Variants in KANSL1 observed in about 807,000 individuals in gnomAD.
The protein encoded by KANSL1 is MLL1/MLL complex subunit KANSL1.
Under a neutral mutation model 103.6 loss-of-function variants are expected in KANSL1, and 22 were observed. The ratio of observed to expected loss-of-function variants is 0.21; its 90% confidence interval spans 0.15 to 0.30. KANSL1 has a LOEUF of 0.30. KANSL1 is among the 10% of genes least tolerant of loss of function. The pLI, the probability that KANSL1 is intolerant of heterozygous loss-of-function variation, is 1.00. For synonymous variants in KANSL1, 600 were observed against 527.6 expected (o/e 1.14, Z -1.88); for missense variants, 1,337 against 1,399.8 (o/e 0.96, Z 0.72).
At chr17:46,166,581 G>A (rs1309267835) in intron 2 of KANSL1, among the ~76,000 whole-genome samples, 1 of 151,908 alleles carries the variant, frequency 6.6e-6, no homozygotes, top group Non-Finnish European at 1.5e-5. Context: ...ATTCAAATAA[G>A]CGCTTTAGTG....
rs34579536 is a variant in KANSL1, at chr17:46,031,540, A to G, written c.3254T>C (p.Ile1085Thr). Residue 1085 changes from isoleucine to threonine, a missense_variant, in exon 15 of 15, where the codon ATT becomes ACT. Coordinates refer to ENST00000432791, the MANE Select transcript of KANSL1 (RefSeq NM_015443.4). ...CAGATGCCGACTCTTGAGGGGGACAATGGGAGGCGAGGTGGGCGCTGCCTC... is the reference window on the plus strand; with the variant it reads ...CAGATGCCGACTCTTGAGGGGGACAGTGGGAGGCGAGGTGGGCGCTGCCTC... ...ETEAAPTSPP[I>T]VPLKSRHLVA... 304,472 of 1,613,758 alleles carry G rather than the reference A, an allele frequency of 0.19. 32,754 individuals carry two copies. Among genetic ancestry groups the G allele is most frequent in the Non-Finnish European group, 0.22 (261,324 of 1,179,832 alleles).
chr17:46,102,217 A>G (rs1405020662), intron 2 of KANSL1, among the ~76,000 whole-genome samples: 5 of 152,132 alleles, frequency 3.3e-5, no homozygotes, highest in Non-Finnish European at 7.4e-5. Context: ...CTTTCTACAG[A>G]TATCTGTAGT....
chr17:46,046,528 C>CAA (rs58711350), intron 7 of KANSL1, among the ~76,000 whole-genome samples: 2,991 of 33,164 alleles, frequency 0.09, 900 homozygotes, highest in Non-Finnish European at 0.11. Context: ...GAGACTCTGT[C>CAA]AAAAAAAAAA....
intron 10 of KANSL1, chr17:46,038,270 A>G (rs1194163901): frequency 2.0e-6 from 1 of 498,936 alleles, no homozygotes; most frequent in Non-Finnish European, 3.6e-6. Flanking sequence ...GATCACCTTA[A>G]GAGTTTGTCC....
intron 3 of KANSL1, among the ~76,000 whole-genome samples, chr17:46,091,772 T>C (rs1261408259): frequency 6.6e-6 from 1 of 152,196 alleles, no homozygotes; most frequent in Admixed American, 6.5e-5. Flanking sequence ...TAGCAGGCCA[T>C]ACCACCTCAG....
intron 6 of KANSL1, among the ~76,000 whole-genome samples, chr17:46,056,283 G>C (rs914312742): frequency 6.6e-6 from 1 of 151,994 alleles, no homozygotes; most frequent in Non-Finnish European, 1.5e-5. Context: ...ACAAGTGTGA[G>C]CCACCGTGCC....
intron 2 of KANSL1, among the ~76,000 whole-genome samples, chr17:46,140,559 A>G (rs1388039164): frequency 3.9e-5 from 6 of 152,224 alleles, no homozygotes; most frequent in Non-Finnish European, 7.3e-5. Flanking sequence ...GACTATATCA[A>G]AATTTAAAAC....
chr17:46,044,793 G>A (rs749815424), intron 7 of KANSL1: 2 of 152,152 alleles, frequency 1.3e-5, no homozygotes, highest in African/African-American at 2.4e-5. Context: ...TACAGTCAAG[G>A]TGCGAGGCAC....
rs149830411 is a variant in KANSL1, at chr17:46,171,276, G to A, written c.868C>T (p.Arg290Ter). ...SDTRITALLRRQADIESRARR... is the reference protein window; with the variant it reads ...SDTRITALLR ...GCACGGCTCTCAATGTCAGCCTGTC[G>A]CCGCAGTAAAGCTGTTATCCTTGTG... The change falls in exon 2 of 15, where the codon CGA (arginine) becomes TGA (stop). Residue 290 changes from arginine to a stop codon, truncating the protein, a stop_gained. Transcript: ENST00000432791. LOFTEE classifies it high-confidence loss of function. 47 of 1,613,986 alleles carry A rather than the reference G, an allele frequency of 2.9e-5. No homozygotes were observed. Among genetic ancestry groups the A allele is most frequent in the Non-Finnish European group, 1.7e-6 (2 of 1,180,048 alleles).
At chr17:46,065,334 A>AT (rs371457478) in intron 6 of KANSL1, among the ~76,000 whole-genome samples, 235 of 152,228 alleles carry the variant, frequency 1.5e-3, no homozygotes, top group African/African-American at 3.7e-3. Flanking sequence ...TTCTCTTAAC[A>AT]ACTAGAATAT....
chr17:46,094,845 A>C, intron 2 of KANSL1, 144 bp from the exon 3 acceptor site: 1 of 898,940 alleles, frequency 1.1e-6, no homozygotes, highest in Non-Finnish European at 1.7e-6. Context: ...GAGACAAGAC[A>C]CCTCCCGCTC....
intron 7 of KANSL1, among the ~76,000 whole-genome samples, chr17:46,046,846 A>G (rs1231299251): frequency 6.6e-6 from 1 of 151,678 alleles, no homozygotes; most frequent in Non-Finnish European, 1.5e-5. Context: ...AAAGTAAAAA[A>G]AAAAAAAAAA....
chr17:46,084,376 T>C (rs1474200749), intron 3 of KANSL1, among the ~76,000 whole-genome samples: 4 of 146,060 alleles, frequency 2.7e-5, no homozygotes, highest in African/African-American at 9.8e-5. Context: ...ACCAAGGCTC[T>C]ATCTCCAACA....
intron 6 of KANSL1, among the ~76,000 whole-genome samples, chr17:46,061,262 C>A (rs1371354795): frequency 6.6e-6 from 1 of 151,944 alleles, no homozygotes; most frequent in Non-Finnish European, 1.5e-5. Flanking sequence ...TACTATTTGT[C>A]TTATGGTTTA....
rs1171873850 is a variant in KANSL1 at position 46,174,376 on chromosome 17, G to T, written c.-89-2144C>A. On this transcript the variant is annotated intron_variant, in intron 1 of 14. Transcript: ENST00000432791. ...ATTTTTGTATTTTTAGTAGAGACAG[G>T]GTTTCACCATGTTGGCCAGGATGGT... 2.0e-5 allele frequency among the ~76,000 whole-genome samples: 3 copies of T among 152,092 alleles called. No individual in the cohort carries two copies. The East Asian group carries it at 5.8e-4, about 29-fold the overall frequency.
chr17:46,138,062 A>G (rs1186448763), intron 2 of KANSL1, among the ~76,000 whole-genome samples: 1 of 152,178 alleles, frequency 6.6e-6, no homozygotes, highest in Non-Finnish European at 1.5e-5. Flanking sequence ...CAAGTTAGCC[A>G]AGAATAGAAG....
At chr17:46,117,587 G>T (rs932765188) in intron 2 of KANSL1, among the ~76,000 whole-genome samples, 8 of 151,426 alleles carry the variant, frequency 5.3e-5, no homozygotes, top group Non-Finnish European at 1.0e-4. Flanking sequence ...TGCATGCCTC[G>T]CAAAGCAGCC....
At chr17:46,165,132 C>A (rs181623381) in intron 2 of KANSL1, among the ~76,000 whole-genome samples, 1 of 152,192 alleles carries the variant, frequency 6.6e-6, no homozygotes, top group Non-Finnish European at 1.5e-5. Context: ...TACAAACATA[C>A]ATAAAAAGTA....
upstream of KANSL1, chr17:46,196,398 C>G (rs1161632647): frequency 2.2e-6 from 1 of 456,210 alleles, no homozygotes; most frequent in Non-Finnish European, 4.4e-6. Context: ...TAGAAGCCCC[C>G]TGGACAGCCT....
Sources: allele counts gnomAD v4.1 joint callset (sites outside exome capture counted in the v4.1 genomes callset), GRCh38; gene constraint gnomAD v4.1.1; transcripts MANE v1.5; gene names NCBI Gene and HGNC (gene_info 2026-07-23, HGNC 2026-07-21).